TMEM8B: variants seen among roughly 807,000 people sequenced by gnomAD.
The protein encoded by TMEM8B is nasopharyngeal carcinoma expressed 6.
In TMEM8B, 29 loss-of-function variants were observed where a neutral mutation model predicts 49.3. The observed-to-expected ratio is 0.59, with a 90% CI of 0.44 to 0.80. The LOEUF is 0.80. Ranked by LOEUF, TMEM8B falls within the 30% of genes least tolerant of loss-of-function variation. The pLI is 0.00. For missense variants in TMEM8B, 575 were observed against 658.5 expected (o/e 0.87, Z 1.39); for synonymous variants, 264 against 272.8 (o/e 0.97, Z 0.32).
chr9:35,834,031 TACACACACACACAC>T lies in TMEM8B; in HGVS notation c.509-403_509-390del, dbSNP rs377460934. 4.6e-4 allele frequency among the ~76,000 whole-genome samples: 63 copies of T among 138,408 alleles called. No homozygotes were observed. The South Asian group carries it at 6.2e-3, about 14-fold the overall frequency. 90.8% of individuals were successfully genotyped at this position (138,408 alleles called of 152,430 possible). On this transcript the variant is annotated intron_variant, in intron 1 of 12. Coordinates refer to ENST00000643932, the MANE Select transcript of TMEM8B (RefSeq NM_001042590.4). Reference sequence around the variant, plus strand: ...AGTGGCTTAAGACGCCATGCCAAAATACACACACACACACACACACACACACACACACACACACA... The same window carrying T: ...AGTGGCTTAAGACGCCATGCCAAAATACACACACACACACACACACACACA...
rs1169918093 is a variant in TMEM8B, at chr9:35,856,576, T to C, written c.*2736T>C. On this transcript the variant is annotated 3_prime_UTR_variant, in exon 13 of 13. Coordinates refer to ENST00000643932, the MANE Select transcript of TMEM8B (RefSeq NM_001042590.4). The stretch of plus-strand genomic sequence containing the variant: ...GATGGCTGGGGCAGAGGATGGACTT[T>C]GGGAGACCTTGGAGGACAAAGTGCA... 2.6e-5 allele frequency: 4 copies of C among 152,220 alleles called. No individual in the cohort carries two copies. Among genetic ancestry groups the C allele is most frequent in the Non-Finnish European group, 5.9e-5 (4 of 68,050 alleles). The allele number at this position is 152,220 out of a possible 1,614,324, so 9.4% of individuals were successfully genotyped here. A position where few individuals can be genotyped will look rare whatever the true frequency, so the allele number is the denominator to read the frequency against.
chr9:35,838,539 T>C (rs1830662194), intron 3 of TMEM8B, among the ~76,000 whole-genome samples: 1 of 152,138 alleles, frequency 6.6e-6, no homozygotes. Flanking sequence ...ACCATCTATA[T>C]GTTAATGCTT....
Position 35,847,114 on chromosome 9 carries a change from TACAG to T in TMEM8B, c.2175+125_2175+128del, listed in dbSNP as rs760859897. 4 of 1,614,236 alleles carry T rather than the reference TACAG, an allele frequency of 2.5e-6. No homozygotes were observed. The South Asian group carries it at 4.4e-5, about 18-fold the overall frequency. ...ATGTCTGTGCCTTCACTGTGTCTTC[TACAG>T]ACAGAGACAGCAGTGCTTCCCAAAC... On this transcript the variant is annotated intron_variant, in intron 10 of 12. Coordinates refer to ENST00000643932, the MANE Select transcript of TMEM8B (RefSeq NM_001042590.4).
chr9:35,848,677 T>TTC (rs1327398291), intron 10 of TMEM8B, among the ~76,000 whole-genome samples: 7 of 146,168 alleles, frequency 4.8e-5, no homozygotes, highest in African/African-American at 1.0e-4. Flanking sequence ...TTTTTTTTCT[T>TTC]TTTTTTTTTT....
At position 35,829,276 on chromosome 9, in the gene TMEM8B, G is replaced by T; in HGVS notation, c.-172G>T. 1 of 360,386 alleles carries T rather than the reference G, an allele frequency of 2.8e-6. No homozygotes were observed. Among genetic ancestry groups the T allele is most frequent in the East Asian group, 4.1e-5 (1 of 24,190 alleles). 22.3% of individuals were successfully genotyped at this position (360,386 alleles called of 1,614,324 possible). ...CCGCCGCGGGGCCTGGTTATCGCCGGTTCAGCGCAGCCCGGAGTCGCCCAG... is the reference window on the plus strand; with the variant it reads ...CCGCCGCGGGGCCTGGTTATCGCCGTTTCAGCGCAGCCCGGAGTCGCCCAG... On this transcript the variant is annotated 5_prime_UTR_variant, in exon 1 of 13. Coordinates refer to ENST00000643932, the MANE Select transcript of TMEM8B (RefSeq NM_001042590.4).
In TMEM8B at chr9:35,860,258, G is replaced by T. The variant is rs1269122648; in HGVS notation, c.*6418G>T. 3 of 152,242 alleles carry T rather than the reference G, an allele frequency of 2.0e-5. No homozygotes were observed. 9.4% of individuals were successfully genotyped at this position (152,242 alleles called of 1,614,324 possible). A position where few individuals can be genotyped will look rare whatever the true frequency, so the allele number is the denominator to read the frequency against. ...CCCCAGGATGGGGTCAGAGGAGACA[G>T]CAGAGAAAGATTCATGTTTAAAATG... is the stretch of plus-strand genomic sequence containing the variant. On this transcript the variant is annotated 3_prime_UTR_variant, in exon 13 of 13. Transcript: ENST00000643932.
chr9:35,853,063 C>T lies in TMEM8B; in HGVS notation c.2323-78C>T. The T allele has an allele frequency of 6.2e-7, 1 of 1,608,398 alleles. No homozygotes were observed. The highest frequency in any genetic ancestry group is 8.5e-7 in the Non-Finnish European group (1 of 1,175,620). On this transcript the variant is annotated intron_variant, in intron 11 of 12. Transcript: ENST00000643932. The surrounding 1 kb of genome is among the most constrained non-coding windows in gnomAD (Gnocchi z 4.2). ...TCTCCCTGGGGGCATTTCCAAGTGC[C>T]TCTCATGATTCTGACCCAGGCCCTG...
At chr9:35,844,711 C>T (rs1018542811) in intron 6 of TMEM8B, among the ~76,000 whole-genome samples, 4 of 152,238 alleles carry the variant, frequency 2.6e-5, no homozygotes, top group Admixed American at 6.5e-5. Context: ...GACAGCCTTA[C>T]GCATACTTGT....
intron 1 of TMEM8B, among the ~76,000 whole-genome samples, 200 bp downstream of exon 1, chr9:35,830,155 A>G (rs1256392853): frequency 6.6e-6 from 1 of 152,222 alleles, no homozygotes; most frequent in African/African-American, 2.4e-5. Flanking sequence ...GAGGCTCAGC[A>G]GGTGGCTTAC....
Position 35,841,212 on chromosome 9 carries a change from C to T in TMEM8B, c.985C>T (p.Pro329Ser). 2.4e-6 allele frequency: 1 copy of T among 416,178 alleles called. No homozygotes were observed. Among genetic ancestry groups the T allele is most frequent in the Middle Eastern group, 3.1e-4 (1 of 3,230 alleles). The allele number at this position is 416,178 out of a possible 1,614,324, so 25.8% of individuals were successfully genotyped here. A position where few individuals can be genotyped will look rare whatever the true frequency, so the allele number is the denominator to read the frequency against. The change falls in exon 4 of 13, where the codon CCT (proline) becomes TCT (serine). Residue 329 changes from proline (P) to serine (S), a missense_variant. Physicochemically the swap from Pro to Ser is moderately conservative, Grantham distance 74. Coordinates refer to ENST00000643932, the MANE Select transcript of TMEM8B (RefSeq NM_001042590.4). The surrounding 1 kb of genome is among the most constrained non-coding windows in gnomAD (Gnocchi z 5.9). The part of the protein sequence containing the change: ...RRLLDVAVLV[P>S]GRPSEQTLSP... ...TTTGCTGGACGTCGCTGTGCTGGTT[C>T]CTGGCCGGCCCTCAGAGCAAACCCT...
At chr9:35,830,082 G>C in intron 1 of TMEM8B, 127 bp downstream of exon 1, 1 of 401,670 alleles carries the variant, frequency 2.5e-6, no homozygotes, top group Non-Finnish European at 4.4e-6. Context: ...GAGAAATAGA[G>C]AGTAGAGAGG....
chr9:35,841,070 T>G lies in TMEM8B; in HGVS notation c.907-64T>G. Reference sequence around the variant, plus strand: ...CCCCAGCCCGCCCAGCAGGTTCTGTTTGCCTTGGTTTAGTCACACCCCTGC... The same window carrying G: ...CCCCAGCCCGCCCAGCAGGTTCTGTGTGCCTTGGTTTAGTCACACCCCTGC... On this transcript the variant is annotated intron_variant, in intron 3 of 12. Coordinates refer to ENST00000643932, the MANE Select transcript of TMEM8B (RefSeq NM_001042590.4). This position sits in a 1 kb window ranked among gnomAD's most constrained non-coding sequence, Gnocchi z 5.9. The G allele has an allele frequency of 2.4e-6, 1 of 413,860 alleles. No homozygotes were observed. The highest frequency in any genetic ancestry group is 4.4e-6 in the Non-Finnish European group (1 of 226,258). 25.6% of individuals were successfully genotyped at this position (413,860 alleles called of 1,614,324 possible).
intron 1 of TMEM8B, among the ~76,000 whole-genome samples, chr9:35,830,313 T>G (rs1829739854): frequency 6.6e-6 from 1 of 152,106 alleles, no homozygotes; most frequent in Admixed American, 6.5e-5. Context: ...AAGCCCCTAG[T>G]GTAGTGTGGG....
Position 35,861,621 on chromosome 9 carries a change from G to T in TMEM8B, c.*7781G>T, listed in dbSNP as rs995770537. On this transcript the variant is annotated 3_prime_UTR_variant, in exon 13 of 13. Coordinates refer to ENST00000643932, the MANE Select transcript of TMEM8B (RefSeq NM_001042590.4). ...CAAAACCCAGCTTTGCCTCCTGGCT[G>T]TAGTTCAGACTAGCTGTGTGACACT... The T allele has an allele frequency of 1.4e-4, 22 of 152,514 alleles. No homozygotes were observed. The highest frequency in any genetic ancestry group is 5.1e-4 in the African/African-American group (21 of 41,464). 9.4% of individuals were successfully genotyped at this position (152,514 alleles called of 1,614,324 possible). A position where few individuals can be genotyped will look rare whatever the true frequency, so the allele number is the denominator to read the frequency against.
At chr9:35,831,502 G>A (rs1323292713) in intron 1 of TMEM8B, among the ~76,000 whole-genome samples, 1 of 152,226 alleles carries the variant, frequency 6.6e-6, no homozygotes, top group African/African-American at 2.4e-5. Flanking sequence ...GAGCTGTGGA[G>A]GCACTCTGTG....
At chr9:35,833,364 C>A in intron 1 of TMEM8B, 2 of 985,324 alleles carry the variant, frequency 2.0e-6, no homozygotes, top group Non-Finnish European at 2.4e-6. Flanking sequence ...TCTTTTCTGG[C>A]TGGTCCGAAG....
At chr9:35,836,230 TGA>T (rs1830434702) in intron 3 of TMEM8B, among the ~76,000 whole-genome samples, 1 of 152,308 alleles carries the variant, frequency 6.6e-6, no homozygotes, top group Middle Eastern at 3.4e-3. Context: ...CCGTTTTTCC[TGA>T]GAGTGATGTG....
At position 35,846,994 on chromosome 9, in the gene TMEM8B, C is replaced by T. The variant is rs141283034; in HGVS notation, c.2174C>T (p.Thr725Met). 1.2e-6 allele frequency: 2 copies of T among 1,614,090 alleles called. No homozygotes were observed. Among genetic ancestry groups the T allele is most frequent in the African/African-American group, 1.3e-5 (1 of 74,934 alleles). ...AVYTFTMFFSTFYHACDQPGI... is the reference protein window; with the variant it reads ...AVYTFTMFFSMFYHACDQPGI... ...TACACCTTCACCATGTTCTTCTCCA[C>T]GGTATGCGGTGGTGTCTGCATCTTA... Residue 725 changes from threonine to methionine, a missense_variant and splice_region_variant, in exon 10 of 13, where the codon ACG (threonine) becomes ATG (methionine). Coordinates refer to ENST00000643932, the MANE Select transcript of TMEM8B (RefSeq NM_001042590.4).
rs886711656 is a variant in TMEM8B at position 35,855,490 on chromosome 9, T to A, written c.*1650T>A. ...CTCACTGCAACCTCTGCCTCCCGGG[T>A]TCAAGTGATTCTCCTGTCTCAGCCT... is the stretch of plus-strand genomic sequence containing the variant. On this transcript the variant is annotated 3_prime_UTR_variant, in exon 13 of 13. Transcript: ENST00000643932. 6.6e-6 allele frequency: 1 copy of A among 151,924 alleles called. No homozygotes were observed. The highest frequency in any genetic ancestry group is 1.5e-5 in the Non-Finnish European group (1 of 68,070). The allele number at this position is 151,924 out of a possible 1,614,324, so 9.4% of individuals were successfully genotyped here. A position where few individuals can be genotyped will look rare whatever the true frequency, so the allele number is the denominator to read the frequency against.
Sources: allele counts gnomAD v4.1 joint callset (sites outside exome capture counted in the v4.1 genomes callset), GRCh38; gene constraint gnomAD v4.1.1; non-coding constraint Gnocchi (gnomAD v3.1); transcripts MANE v1.5; gene names NCBI Gene and HGNC (gene_info 2026-07-23, HGNC 2026-07-21).